The following RARB variants were observed in gnomAD, a reference collection of about 807,000 sequenced individuals.
The protein encoded by RARB is retinoic acid receptor beta, also known as HBV-activated protein.
A neutral mutation model predicts 51.9 loss-of-function variants in RARB; 17 were observed. That is an observed-to-expected ratio of 0.33 (90% CI 0.22 to 0.49). The LOEUF (loss-of-function observed/expected upper bound fraction) is 0.49. Ranked by LOEUF, RARB falls within the 20% of genes least tolerant of loss-of-function variation. The probability of loss-of-function intolerance (pLI) is 0.99; values close to 1 mark genes in which losing one functional copy is unlikely to be tolerated. For synonymous variants in RARB, 215 were observed against 195.4 expected, an observed-to-expected ratio of 1.10 and a Z score of -0.84; for missense variants, 369 against 550.8, an observed-to-expected ratio of 0.67 and a Z score of 3.30.
chr3:25,498,762 G>T (rs528452153), intron 2 of RARB, among the ~76,000 whole-genome samples: 2 of 152,080 alleles, frequency 1.3e-5, no homozygotes, highest in Non-Finnish European at 2.9e-5. Context: ...TTCTTCCCAC[G>T]TATATAAAAG....
chr3:25,418,888 T>G (rs1288468226), intron 5 of RARB, among the ~76,000 whole-genome samples: 1 of 151,780 alleles, frequency 6.6e-6, no homozygotes, highest in African/African-American at 2.4e-5. Context: ...AGAAATATAT[T>G]TCTTTCCCAT....
chr3:25,097,370 A>G (rs1464909366), intron 3 of RARB, among the ~76,000 whole-genome samples: 2 of 152,230 alleles, frequency 1.3e-5, no homozygotes, highest in Non-Finnish European at 2.9e-5. Context: ...AAGTAACATG[A>G]AAACATTGAG....
At chr3:25,015,349 C>A (rs565533368) in intron 2 of RARB, among the ~76,000 whole-genome samples, 1 of 152,046 alleles carries the variant, frequency 6.6e-6, no homozygotes, top group African/African-American at 2.4e-5. Flanking sequence ...TTCTTAGATG[C>A]GAGGAATACT....
intron 3 of RARB, among the ~76,000 whole-genome samples, chr3:25,065,880 T>G (rs1056729318): frequency 6.6e-6 from 1 of 152,224 alleles, no homozygotes; most frequent in Non-Finnish European, 1.5e-5. Context: ...TTTAACACTT[T>G]GATGACTTTT....
intron 2 of RARB, among the ~76,000 whole-genome samples, chr3:24,952,661 T>C (rs1391748286): frequency 1.3e-5 from 2 of 152,134 alleles, no homozygotes; most frequent in African/African-American, 2.4e-5. Flanking sequence ...AACCAATTAA[T>C]TGCCACTGAA....
chr3:25,539,303 A>G (rs1211764562), intron 3 of RARB, among the ~76,000 whole-genome samples: 1 of 152,192 alleles, frequency 6.6e-6, no homozygotes. Context: ...GGACAATTAG[A>G]AAGTCCCCAC....
chr3:25,527,241 A>G lies in RARB; in HGVS notation c.448+25918A>G, dbSNP rs899526765. ...GCAGCACGGGCTTAGAGCAGTGATC[A>G]GCAAGTGGCTAGATGGCAAATATTT... is the stretch of plus-strand genomic sequence containing the variant. On this transcript the variant is annotated intron_variant, in intron 3 of 7. Transcript: ENST00000330688. Among the ~76,000 whole-genome samples the G allele has an allele frequency of 1.9e-4, 29 of 152,336 alleles. No individual in the cohort carries two copies. The South Asian group carries it at 5.8e-3, about 30-fold the overall frequency.
chr3:24,943,173 G>T (rs1695704601), intron 2 of RARB, among the ~76,000 whole-genome samples: 1 of 152,110 alleles, frequency 6.6e-6, no homozygotes, highest in South Asian at 2.1e-4. Flanking sequence ...TTAATTGTTA[G>T]TACTATTTTG....
At chr3:25,382,223 A>G (rs1464772263) in intron 5 of RARB, among the ~76,000 whole-genome samples, 1 of 152,254 alleles carries the variant, frequency 6.6e-6, no homozygotes, top group Admixed American at 6.5e-5. Flanking sequence ...GATGATCCAA[A>G]TGTAGATTTA....
At chr3:25,505,645 G>C (rs1697545826) in intron 3 of RARB, among the ~76,000 whole-genome samples, 1 of 151,078 alleles carries the variant, frequency 6.6e-6, no homozygotes, top group Admixed American at 6.6e-5. Context: ...ACAGCTGTCT[G>C]TCAAAGCATA....
intron 1 of RARB, among the ~76,000 whole-genome samples, chr3:24,847,179 C>T (rs1702495844): frequency 1.3e-5 from 2 of 152,182 alleles, no homozygotes; most frequent in Admixed American, 1.3e-4. Flanking sequence ...GCCGTCTGTG[C>T]TTTATAAGCC....
chr3:24,876,329 T>C (rs1051452788), intron 2 of RARB, among the ~76,000 whole-genome samples: 2 of 152,172 alleles, frequency 1.3e-5, no homozygotes, highest in Non-Finnish European at 2.9e-5. Flanking sequence ...CTGAAGTATT[T>C]GCTTAATGGT....
intron 5 of RARB, among the ~76,000 whole-genome samples, chr3:25,206,389 A>G (rs1166111106): frequency 6.6e-6 from 1 of 152,208 alleles, no homozygotes; most frequent in South Asian, 2.1e-4. Context: ...ACATTTTAAA[A>G]TTCCAGGGAA....
intron 6 of RARB, 21 bp from the exon 7 acceptor site, chr3:25,594,499 T>C: frequency 1.3e-6 from 2 of 1,580,618 alleles, no homozygotes; most frequent in African/African-American, 1.4e-5. Flanking sequence ...TTTTGTTTAA[T>C]ACTTTATTCC....
Position 25,428,496 on chromosome 3 carries a change from G to C in RARB, c.-236G>C, listed in dbSNP as rs1035550433. Reference sequence around the variant, plus strand: ...CTTGGGATCTTTCTGGGAACCCCCCGCCCCGGCTGGATTGGCCGAGCAAGC... The same window carrying C: ...CTTGGGATCTTTCTGGGAACCCCCCCCCCCGGCTGGATTGGCCGAGCAAGC... On this transcript the variant is annotated 5_prime_UTR_variant, in exon 1 of 8. Coordinates refer to ENST00000330688, the MANE Select transcript of RARB (RefSeq NM_000965.5). 7.9e-7 allele frequency: 1 copy of C among 1,264,532 alleles called. No individual in the cohort carries two copies. The highest frequency in any genetic ancestry group is 3.8e-5 in the Admixed American group (1 of 26,000). The allele number at this position is 1,264,532 out of a possible 1,614,324, so 78.3% of individuals were successfully genotyped here.
rs372768405 is a variant in RARB at position 25,065,332 on chromosome 3, G to C, written c.-328+5156G>C. Among the ~76,000 whole-genome samples, 15 of 152,032 alleles carry C rather than the reference G, an allele frequency of 9.9e-5. 1 individual carries two copies. Among genetic ancestry groups the C allele is most frequent in the East Asian group, 7.7e-4 (4 of 5,190 alleles). ...CTGAAATACAAGTGTTAAAAAACTC[G>C]TTATCAGGTTAATAACTATGCTTTT... On this transcript the variant is annotated intron_variant, in intron 3 of 11. Coordinates refer to the RARB transcript ENST00000383772.
chr3:25,346,945 T>G (rs1053767574), intron 5 of RARB, among the ~76,000 whole-genome samples: 3 of 152,208 alleles, frequency 2.0e-5, no homozygotes, highest in African/African-American at 7.2e-5. Context: ...GTAAGAGGAT[T>G]GTTCATGAGT....
At chr3:24,912,684 G>C (rs933121385) in intron 2 of RARB, among the ~76,000 whole-genome samples, 1 of 152,086 alleles carries the variant, frequency 6.6e-6, no homozygotes, top group Admixed American at 6.5e-5. Flanking sequence ...TCAGGGAAGA[G>C]AAAAATCTTT....
intron 5 of RARB, among the ~76,000 whole-genome samples, chr3:25,271,345 G>A (rs73154929): frequency 0.017 from 2,582 of 152,226 alleles, 56 homozygotes; most frequent in African/African-American, 0.057. Flanking sequence ...CTCTTGAAAT[G>A]CCATATAGGA....
Sources: allele counts gnomAD v4.1 joint callset (sites outside exome capture counted in the v4.1 genomes callset), GRCh38; gene constraint gnomAD v4.1.1; transcripts MANE v1.5; gene names NCBI Gene and HGNC (gene_info 2026-07-23, HGNC 2026-07-21).